TANGO6: variants seen among roughly 807,000 people sequenced by gnomAD.
TANGO6 encodes transport and golgi organization 6 homolog.
Under a neutral mutation model 114.2 loss-of-function variants are expected in TANGO6, and 90 were observed. The observed-to-expected ratio is 0.79, with a 90% CI of 0.66 to 0.94. TANGO6 has a LOEUF of 0.94. Ranked by LOEUF, TANGO6 falls within the 40% of genes least tolerant of loss-of-function variation. TANGO6 has a pLI of 0.00. For missense variants in TANGO6, 1,274 were observed against 1,315.3 expected (o/e 0.97, Z 0.49); for synonymous variants, 477 against 509.8 (o/e 0.94, Z 0.87).
intron 14 of TANGO6, among the ~76,000 whole-genome samples, chr16:68,970,996 T>C (rs1963699013): frequency 6.6e-6 from 1 of 151,530 alleles, no homozygotes; most frequent in South Asian, 2.1e-4. Context: ...CTACCAAAAA[T>C]ACAAAAATTA....
At chr16:68,863,397 C>T (rs557879582) in intron 3 of TANGO6, among the ~76,000 whole-genome samples, 1 of 152,110 alleles carries the variant, frequency 6.6e-6, no homozygotes, top group East Asian at 1.9e-4. Context: ...CACCTGAGGT[C>T]GTGAGTTCGA....
At chr16:68,951,990 T>G (rs1963476265) in intron 14 of TANGO6, among the ~76,000 whole-genome samples, 1 of 152,170 alleles carries the variant, frequency 6.6e-6, no homozygotes, top group African/African-American at 2.4e-5. Flanking sequence ...ATTAAATACT[T>G]CTTAATTTCA....
chr16:68,974,156 G>C lies in TANGO6; in HGVS notation c.2830G>C (p.Val944Leu), dbSNP rs945182115. 6 of 1,613,828 alleles carry C rather than the reference G, an allele frequency of 3.7e-6. No individual in the cohort carries two copies. Among genetic ancestry groups the C allele is most frequent in the African/African-American group, 1.3e-5 (1 of 74,892 alleles). ...MKVGEVLMRI[V>L]RALGDMVSKY... is the part of the protein sequence containing the mutation. ...AGTCGGGGAAGTCCTTATGCGAATC[G>C]TCAGGGCATTAGGTGAGTTTTCTTG... The change falls in exon 15 of 18, where the codon GTC becomes CTC. Residue 944 changes from valine (V) to leucine (L), a missense_variant. Physicochemically the swap from Val to Leu is conservative, Grantham distance 32 (BLOSUM62 1). Coordinates refer to ENST00000261778, the MANE Select transcript of TANGO6 (RefSeq NM_024562.2).
At chr16:68,957,933 A>T (rs1382565747) in intron 14 of TANGO6, among the ~76,000 whole-genome samples, 1 of 152,104 alleles carries the variant, frequency 6.6e-6, no homozygotes, top group Non-Finnish European at 1.5e-5. Context: ...ACACTTTGAT[A>T]GGCTGAGGAG....
chr16:68,987,420 A>G (rs1597048673), intron 15 of TANGO6, among the ~76,000 whole-genome samples: 1 of 152,116 alleles, frequency 6.6e-6, no homozygotes, highest in Non-Finnish European at 1.5e-5. Flanking sequence ...CCAGGCTGGC[A>G]TGCAGTAGCA....
At chr16:68,868,144 CAAAA>C (rs5817657) in intron 4 of TANGO6, among the ~76,000 whole-genome samples, 1 of 108,328 alleles carries the variant, frequency 9.2e-6, no homozygotes, top group Non-Finnish European at 1.9e-5. Flanking sequence ...GACCTTGTCT[CAAAA>C]AAAAAAAAAA....
intron 7 of TANGO6, among the ~76,000 whole-genome samples, chr16:68,888,644 A>C (rs1410007398): frequency 6.6e-6 from 1 of 152,094 alleles, no homozygotes; most frequent in Non-Finnish European, 1.5e-5. Flanking sequence ...TCTTTTCTCC[A>C]TCTAATCTTA....
At chr16:68,844,500 G>T (rs921600802) in intron 1 of TANGO6, among the ~76,000 whole-genome samples, 1 of 152,098 alleles carries the variant, frequency 6.6e-6, no homozygotes, top group African/African-American at 2.4e-5. Context: ...TATCACTGGG[G>T]TGTATATTTG....
intron 17 of TANGO6, among the ~76,000 whole-genome samples, chr16:69,048,526 C>T (rs1959897871): frequency 6.6e-6 from 1 of 151,940 alleles, no homozygotes; most frequent in Non-Finnish European, 1.5e-5. Context: ...GCCTTAGCCT[C>T]CCAGGGATTA....
chr16:69,069,016 C>T (rs760919354), intron 17 of TANGO6, among the ~76,000 whole-genome samples: 5 of 152,176 alleles, frequency 3.3e-5, no homozygotes, highest in Non-Finnish European at 5.9e-5. Context: ...CGTACCCAGC[C>T]ATGTTTTTGG....
intron 17 of TANGO6, among the ~76,000 whole-genome samples, chr16:69,083,170 C>T (rs968662478): frequency 4.0e-5 from 6 of 151,140 alleles, no homozygotes; most frequent in African/African-American, 7.3e-5. Context: ...GATGATCCTC[C>T]CAACCCCAGC....
At chr16:68,883,093 A>G (rs1962487687) in intron 7 of TANGO6, among the ~76,000 whole-genome samples, 3 of 152,234 alleles carry the variant, frequency 2.0e-5, no homozygotes, top group Admixed American at 6.5e-5. Flanking sequence ...GTTACTCTGG[A>G]GGCTGGGGCA....
At position 68,859,997 on chromosome 16, in the gene TANGO6, C is replaced by A. The variant is rs1962064692; in HGVS notation, c.208C>A (p.Leu70Met). The stretch of plus-strand genomic sequence containing the variant: ...TCTGAAGGATCCTCAGTGGAAGAAT[C>A]TGAAACTCCTAAGAGATGAAATTGC... ...KFLKDPQWKN[L>M]KLLRDEIADK... The change falls in exon 2 of 18, where the codon CTG becomes ATG. Residue 70 changes from leucine to methionine, a missense_variant. Leu to Met is a conservative substitution (Grantham distance 15). Around this residue, in one of 5 missense-constraint regions of TANGO6, gnomAD observed 114 missense variants for 104.6 expected, o/e 1.09. Coordinates refer to ENST00000261778, the MANE Select transcript of TANGO6 (RefSeq NM_024562.2). The A allele has an allele frequency of 1.9e-6, 3 of 1,613,826 alleles. No individual in the cohort carries two copies. The highest frequency in any genetic ancestry group is 1.7e-5 in the Admixed American group (1 of 59,992).
At chr16:68,854,680 A>T (rs1961957549) in intron 1 of TANGO6, among the ~76,000 whole-genome samples, 1 of 149,974 alleles carries the variant, frequency 6.7e-6, no homozygotes. Context: ...TGGTAAAGGA[A>T]TTTTCTTTCC....
intron 17 of TANGO6, among the ~76,000 whole-genome samples, chr16:69,073,239 G>A (rs1270564122): frequency 2.0e-5 from 3 of 152,164 alleles, no homozygotes; most frequent in Non-Finnish European, 4.4e-5. Flanking sequence ...ACTTACTAAA[G>A]TTCCCCCAAG....
chr16:69,014,940 G>T (rs374866743), intron 15 of TANGO6, among the ~76,000 whole-genome samples: 5 of 151,538 alleles, frequency 3.3e-5, no homozygotes, highest in Admixed American at 1.3e-4. Flanking sequence ...AACCTCTTAT[G>T]TAGGATCTTA....
chr16:68,902,550 C>A (rs778235163), intron 9 of TANGO6, 46 bp downstream of exon 9: 2 of 1,487,128 alleles, frequency 1.3e-6, no homozygotes, highest in South Asian at 1.4e-5. Flanking sequence ...TTAGTTCCGC[C>A]CAAAAGGCCA....
chr16:68,958,800 T>C (rs1406985121), intron 14 of TANGO6, among the ~76,000 whole-genome samples: 2 of 151,828 alleles, frequency 1.3e-5, no homozygotes, highest in Non-Finnish European at 2.9e-5. Context: ...TAGCAGGGTG[T>C]GGTGGTGCTT....
At chr16:69,056,563 CG>C (rs1960035031) in intron 17 of TANGO6, among the ~76,000 whole-genome samples, 1 of 150,512 alleles carries the variant, frequency 6.6e-6, no homozygotes, top group African/African-American at 2.4e-5. Flanking sequence ...AAGAAGTCTG[CG>C]AAGTCCTGCA....
Sources: gnomAD v4.1 joint callset for allele counts (sites outside exome capture counted in the v4.1 genomes callset) on GRCh38, gnomAD v4.1.1 for gene constraint, gnomAD v4.1.1 regional missense constraint, MANE v1.5 for transcripts, NCBI Gene and HGNC (gene_info 2026-07-23, HGNC 2026-07-21) for gene names.